Variants in SELE observed in about 807,000 individuals in gnomAD.
SELE encodes the protein E-selectin.
Under a neutral mutation model 75.8 loss-of-function variants are expected in SELE, and 52 were observed. The observed-to-expected ratio is 0.69, with a 90% CI of 0.55 to 0.86. The LOEUF (loss-of-function observed/expected upper bound fraction) is 0.86, where lower values mean the gene tolerates loss of function less well. Among genes scored for constraint, SELE ranks in the 40% least tolerant of loss-of-function variants. The pLI is 0.00. For synonymous variants in SELE, 285 were observed against 258.7 expected, an observed-to-expected ratio of 1.10 and a Z score of -0.98; for missense variants, 754 against 732.7, an observed-to-expected ratio of 1.03 and a Z score of -0.34.
Position 169,730,432 on chromosome 1 carries a change from C to T in SELE, c.715G>A (p.Val239Met), listed in dbSNP as rs1308877584. Reference sequence around the variant, plus strand: ...TCTGTGCATTCTCAGAGGGATTTACCATTGCAGGCTGGAATAGGAGCACTC... The same window carrying T: ...TCTGTGCATTCTCAGAGGGATTTACTATTGCAGGCTGGAATAGGAGCACTC... ...EWSAPIPACN[V>M]VECDAVTNPA... Residue 239 changes from valine to methionine, a missense_variant and splice_region_variant, in exon 5 of 14, where the codon GTG (valine) becomes ATG (methionine). Transcript: ENST00000333360. The T allele has an allele frequency of 1.9e-6, 3 of 1,582,918 alleles. No homozygotes were observed. The highest frequency in any genetic ancestry group is 2.6e-6 in the Non-Finnish European group (3 of 1,159,964).
In SELE at chr1:169,727,934, C is replaced by T. The variant is rs1571144694; in HGVS notation, c.1280-7G>A. On this transcript the variant is annotated splice_region_variant and splice_polypyrimidine_tract_variant and intron_variant, in intron 8 of 13. Coordinates refer to ENST00000333360, the MANE Select transcript of SELE (RefSeq NM_000450.2). ...ACAGCATCGCATCTCACAGCTGGAA[C>T]ACACGAGAGAGCACTTTAGAAGTTT... is the stretch of plus-strand genomic sequence containing the variant. 7 of 1,611,464 alleles carry T rather than the reference C, an allele frequency of 4.3e-6. No homozygotes were observed. Among genetic ancestry groups the T allele is most frequent in the Admixed American group, 1.7e-5 (1 of 59,740 alleles).
intron 13 of SELE, among the ~76,000 whole-genome samples, chr1:169,725,152 C>A (rs1397202668): frequency 2.6e-5 from 4 of 152,092 alleles, no homozygotes; most frequent in Admixed American, 6.6e-5. Context: ...CTTTGAGAGG[C>A]CAAGGCGGGT....
intron 4 of SELE, 95 bp from the exon 5 acceptor site, chr1:169,730,712 TA>T: frequency 1.5e-6 from 1 of 665,342 alleles, no homozygotes; most frequent in Non-Finnish European, 2.2e-6. Context: ...TTTTTTTTTT[TA>T]GTTTAAAAAT....
intron 7 of SELE, among the ~76,000 whole-genome samples, chr1:169,728,860 A>G (rs1648839111): frequency 6.6e-6 from 1 of 152,214 alleles, no homozygotes; most frequent in African/African-American, 2.4e-5. Context: ...AGAGTTTTAC[A>G]TTCAAATCAT....
Position 169,725,814 on chromosome 1 carries a change from T to C in SELE, c.1776-13A>G, listed in dbSNP as rs781346953. The C allele has an allele frequency of 6.2e-7, 1 of 1,613,906 alleles. No homozygotes were observed. Among genetic ancestry groups the C allele is most frequent in the South Asian group, 1.1e-5 (1 of 91,076 alleles). ...GCTTTGGCAGCTGCTGTGGAATACATGAGAACACTAGGTAAAGCACTGTCT... is the reference window on the plus strand; with the variant it reads ...GCTTTGGCAGCTGCTGTGGAATACACGAGAACACTAGGTAAAGCACTGTCT... On this transcript the variant is annotated splice_polypyrimidine_tract_variant and intron_variant, in intron 12 of 13. Transcript: ENST00000333360.
rs752733736 is a variant in SELE at position 169,730,604 on chromosome 1, T to C, written c.543A>G (p.Thr181=). The change falls in exon 5 of 14, where the codon ACA becomes ACG. Residue 181 remains threonine (T), a synonymous_variant. Transcript: ENST00000333360. ...TTCCATGCTCAGGGGATTCCAGGGCTGTACAGTTCACAACTGAAAAAGAAA... is the reference window on the plus strand; with the variant it reads ...TTCCATGCTCAGGGGATTCCAGGGCCGTACAGTTCACAACTGAAAAAGAAA... The part of the protein sequence containing the change: ...GLKCEQIVNC[T]ALESPEHGSL... 7 of 1,612,856 alleles carry C rather than the reference T, an allele frequency of 4.3e-6. No homozygotes were observed. In the South Asian group the frequency reaches 7.7e-5, roughly 18 times the overall value.
intron 7 of SELE, 134 bp from the exon 8 acceptor site, chr1:169,728,380 G>A: frequency 2.5e-6 from 2 of 794,188 alleles, no homozygotes; most frequent in Non-Finnish European, 3.8e-6. Flanking sequence ...GGACAAATGG[G>A]AAGATGGCTG....
chr1:169,727,211 A>T, intron 10 of SELE, 138 bp downstream of exon 10: 1 of 865,550 alleles, frequency 1.2e-6, no homozygotes. Flanking sequence ...CTCTATCCCC[A>T]TACAACTTAA....
chr1:169,733,925 G>C (rs1571148306), intron 1 of SELE, 46 bp downstream of exon 1: 1 of 384,916 alleles, frequency 2.6e-6, no homozygotes, highest in South Asian at 3.0e-5. Context: ...TTGCATATCT[G>C]TGTTTCATGG....
chr1:169,730,241 A>G (rs1350985862), intron 5 of SELE, among the ~76,000 whole-genome samples, 191 bp downstream of exon 5: 2 of 152,192 alleles, frequency 1.3e-5, no homozygotes, highest in East Asian at 1.9e-4. Context: ...CAAGCATAGA[A>G]TAAAAAAACC....
chr1:169,725,388 T>TTA (rs1553241949), intron 13 of SELE, among the ~76,000 whole-genome samples: 5 of 136,508 alleles, frequency 3.7e-5, no homozygotes, highest in Non-Finnish European at 4.8e-5. Flanking sequence ...ATCTCAAAAT[T>TTA]AAAAAAAAAA....
chr1:169,732,730 G>A lies in SELE; in HGVS notation c.306C>T (p.Pro102=), dbSNP rs1438946618. 10 of 1,613,892 alleles carry A rather than the reference G, an allele frequency of 6.2e-6. No homozygotes were observed. The highest frequency in any genetic ancestry group is 8.5e-6 in the Non-Finnish European group (10 of 1,179,970). ...EEAKNWAPGE[P]NNRQKDEDCV... ...AGTCCTCATCTTTTTGCCTATTGTTGGGTTCACCTGGAGCCCAGTTCTTGG... is the reference window on the plus strand; with the variant it reads ...AGTCCTCATCTTTTTGCCTATTGTTAGGTTCACCTGGAGCCCAGTTCTTGG... The change falls in exon 3 of 14, where the codon CCC becomes CCT. Residue 102 remains proline (P), a synonymous_variant. Transcript: ENST00000333360.
intron 2 of SELE, 40 bp downstream of exon 2, chr1:169,733,536 T>G (rs1318605447): frequency 2.5e-6 from 4 of 1,588,478 alleles, no homozygotes; most frequent in South Asian, 2.2e-5. Flanking sequence ...ATATCTATAG[T>G]GCGAGAATGA....
intron 4 of SELE, 81 bp from the exon 5 acceptor site, chr1:169,730,698 GT>G (rs60632494): frequency 0.066 from 36,072 of 550,552 alleles, 47 homozygotes; most frequent in East Asian, 0.077. Context: ...CTACAGTTTG[GT>G]TTTTTTTTTT....
chr1:169,733,349 G>A (rs183384194), intron 2 of SELE, among the ~76,000 whole-genome samples: 3 of 151,336 alleles, frequency 2.0e-5, no homozygotes, highest in Admixed American at 6.6e-5. Flanking sequence ...TCCTCACAAT[G>A]CATCTGGGAA....
Position 169,725,848 on chromosome 1 carries a change from G to A in SELE, c.1776-47C>T, listed in dbSNP as rs556114647. ...TAGGTAAAGCACTGTCTTCCAACAT[G>A]AAGAGAGAAAAATATGTGGAATGTT... On this transcript the variant is annotated intron_variant, in intron 12 of 13. Coordinates refer to ENST00000333360, the MANE Select transcript of SELE (RefSeq NM_000450.2). The A allele has an allele frequency of 1.1e-4, 170 of 1,613,732 alleles. 1 individual carries two copies. The South Asian group carries it at 1.8e-3, about 17-fold the overall frequency.
At chr1:169,725,273 C>T (rs1408316040) in intron 13 of SELE, among the ~76,000 whole-genome samples, 1 of 151,980 alleles carries the variant, frequency 6.6e-6, no homozygotes, top group African/African-American at 2.4e-5. Context: ...ATCCCAGCTA[C>T]TCAGGAGGCT....
intron 11 of SELE, 75 bp from the exon 12 acceptor site, chr1:169,726,003 A>C: frequency 6.5e-7 from 1 of 1,535,506 alleles, no homozygotes; most frequent in Non-Finnish European, 9.0e-7. Flanking sequence ...CAGATACAAT[A>C]TGACTTAATT....
chr1:169,733,845 A>G (rs1471773842), intron 1 of SELE, 126 bp downstream of exon 1: 32 of 568,276 alleles, frequency 5.6e-5, no homozygotes, highest in Non-Finnish European at 5.0e-5. Flanking sequence ...TTTAGGTCAA[A>G]GAGAAAAGAC....
Sources: gnomAD v4.1 joint callset for allele counts (sites outside exome capture counted in the v4.1 genomes callset) on GRCh38, gnomAD v4.1.1 for gene constraint, MANE v1.5 for transcripts, NCBI Gene and HGNC (gene_info 2026-07-23, HGNC 2026-07-21) for gene names.